Variants in MYO3A observed in about 807,000 individuals in gnomAD.
MYO3A encodes the protein myosin-IIIa.
A neutral mutation model predicts 192.7 loss-of-function variants in MYO3A; 180 were observed. That is an observed-to-expected ratio of 0.93 (90% CI 0.83 to 1.06). The LOEUF is 1.06. MYO3A is among the 50% of genes least tolerant of loss of function. The pLI is 0.00. For synonymous variants in MYO3A, 628 were observed against 645.3 expected (o/e 0.97, Z 0.41); for missense variants, 1,896 against 1,905.0 (o/e 1.00, Z 0.09).
At chr10:26,148,165 T>C (rs1472594626) in intron 23 of MYO3A, among the ~76,000 whole-genome samples, 1 of 152,222 alleles carries the variant, frequency 6.6e-6, no homozygotes, top group African/African-American at 2.4e-5. Context: ...CCATGATTAA[T>C]AGTGAACATA....
intron 31 of MYO3A, among the ~76,000 whole-genome samples, chr10:26,192,194 T>C (rs746657045): frequency 6.6e-6 from 1 of 152,166 alleles, no homozygotes; most frequent in African/African-American, 2.4e-5. Flanking sequence ...GCTCTGACGG[T>C]GTTGCTCCCG....
At chr10:26,088,040 T>C (rs1836450178) in intron 14 of MYO3A, among the ~76,000 whole-genome samples, 163 bp from the exon 15 acceptor site, 1 of 152,164 alleles carries the variant, frequency 6.6e-6, no homozygotes, top group South Asian at 2.1e-4. Context: ...AATCCACATA[T>C]GGGAGGGGGA....
At chr10:25,999,801 C>G (rs770339219) in intron 6 of MYO3A, among the ~76,000 whole-genome samples, 4 of 152,160 alleles carry the variant, frequency 2.6e-5, no homozygotes, top group Non-Finnish European at 5.9e-5. Context: ...TAGAAAGTCG[C>G]CCACATCTAC....
chr10:26,092,180 A>G, intron 15 of MYO3A, among the ~76,000 whole-genome samples: 1 of 152,124 alleles, frequency 6.6e-6, no homozygotes, highest in Non-Finnish European at 1.5e-5. Context: ...AAGAATGCAA[A>G]GCTTCGGCCG....
intron 10 of MYO3A, among the ~76,000 whole-genome samples, chr10:26,029,728 A>T (rs1842723753): frequency 6.6e-6 from 1 of 152,064 alleles, no homozygotes; most frequent in South Asian, 2.1e-4. Flanking sequence ...GATCTTAAAC[A>T]TACTTTTTAA....
At chr10:26,145,304 T>C in intron 21 of MYO3A, 142 bp from the exon 22 acceptor site, 1 of 659,392 alleles carries the variant, frequency 1.5e-6, no homozygotes, top group South Asian at 1.8e-5. Flanking sequence ...CCATGTATAA[T>C]TCTATTCCAA....
Position 26,174,039 on chromosome 10 carries a change from G to C in MYO3A, c.3775G>C (p.Glu1259Gln), listed in dbSNP as rs1198489271. The C allele has an allele frequency of 6.2e-7, 1 of 1,613,490 alleles. No individual in the cohort carries two copies. The highest frequency in any genetic ancestry group is 1.1e-5 in the South Asian group (1 of 90,930). The change falls in exon 30 of 35, where the codon GAA becomes CAA. Residue 1259 changes from glutamate (E) to glutamine (Q), a missense_variant. Glu to Gln is a conservative substitution (Grantham distance 29). Transcript: ENST00000642920. ...TGAAGAGTCAAAAGCAGCATATCTA[G>C]AAAGGAAGGCCATATCAGAAAGGCC... is the stretch of plus-strand genomic sequence containing the variant. Reference protein sequence around the residue: ...NCEESKAAYLERKAISERPSY... With the variant: ...NCEESKAAYLQRKAISERPSY...
intron 34 of MYO3A, among the ~76,000 whole-genome samples, chr10:26,210,712 T>A (rs1310096597): frequency 6.6e-6 from 1 of 152,098 alleles, no homozygotes; most frequent in Non-Finnish European, 1.5e-5. Context: ...ATCCGAACAC[T>A]CTATCCTCAT....
chr10:26,183,530 AT>A (rs907759573), intron 31 of MYO3A, among the ~76,000 whole-genome samples: 184 of 152,188 alleles, frequency 1.2e-3, no homozygotes, highest in African/African-American at 4.1e-3. Flanking sequence ...CTCAAAAAAA[AT>A]AATAATAAAA....
chr10:26,041,365 T>TTG (rs1564486410), intron 10 of MYO3A, among the ~76,000 whole-genome samples: 2 of 143,728 alleles, frequency 1.4e-5, no homozygotes, highest in Non-Finnish European at 3.1e-5. Context: ...TGTTGTTGTT[T>TTG]TTATCCATTC....
intron 4 of MYO3A, among the ~76,000 whole-genome samples, chr10:25,980,417 A>G (rs530332618): frequency 9.2e-5 from 14 of 152,336 alleles, no homozygotes; most frequent in Admixed American, 7.8e-4. Context: ...AGTGTTTTGC[A>G]TATAGTAACA....
chr10:26,049,673 C>CTTTTTTTTTTTTTTTTTTTTTTTT (rs66467075), intron 10 of MYO3A, among the ~76,000 whole-genome samples: 1 of 69,114 alleles, frequency 1.4e-5, no homozygotes, highest in African/African-American at 5.2e-5. Context: ...TTCTTTCTTT[C>CTTTTTTTTTTTTTTTTTTTTTTTT]TTTTTTTTTT....
At chr10:26,132,941 A>G (rs928239396) in intron 20 of MYO3A, among the ~76,000 whole-genome samples, 4 of 152,226 alleles carry the variant, frequency 2.6e-5, no homozygotes, top group African/African-American at 9.6e-5. Context: ...GCTCCAACAC[A>G]TAATTTGTGG....
chr10:26,080,737 C>T (rs1056733740), intron 14 of MYO3A, among the ~76,000 whole-genome samples: 1 of 152,130 alleles, frequency 6.6e-6, no homozygotes, highest in African/African-American at 2.4e-5. Flanking sequence ...TTTTGTCCCA[C>T]AGGGTGTTCC....
intron 18 of MYO3A, among the ~76,000 whole-genome samples, chr10:26,124,381 T>C (rs1420900561): frequency 6.6e-6 from 1 of 152,128 alleles, no homozygotes; most frequent in East Asian, 1.9e-4. Flanking sequence ...AATTAAAGCA[T>C]ATTTACAGAC....
intron 10 of MYO3A, among the ~76,000 whole-genome samples, chr10:26,027,723 G>A (rs548736790): frequency 1.3e-5 from 2 of 152,278 alleles, no homozygotes; most frequent in East Asian, 1.9e-4. Context: ...TCACTGAATA[G>A]TGAATATCCA....
chr10:26,103,517 G>A (rs914991341), intron 17 of MYO3A, among the ~76,000 whole-genome samples: 4 of 152,172 alleles, frequency 2.6e-5, no homozygotes, highest in Non-Finnish European at 5.9e-5. Flanking sequence ...CTTGGAGTCA[G>A]TAGTTCATTT....
intron 10 of MYO3A, among the ~76,000 whole-genome samples, chr10:26,027,927 A>G (rs1050489696): frequency 3.3e-5 from 5 of 152,226 alleles, no homozygotes; most frequent in Non-Finnish European, 5.9e-5. Context: ...TTCTATAGAT[A>G]GTACTATTAA....
intron 26 of MYO3A, among the ~76,000 whole-genome samples, chr10:26,165,073 C>A (rs955294137): frequency 6.6e-6 from 1 of 152,178 alleles, no homozygotes; most frequent in African/African-American, 2.4e-5. Context: ...TACTTCATTG[C>A]AGATTTAATG....
Sources: gnomAD v4.1 joint callset for allele counts (sites outside exome capture counted in the v4.1 genomes callset) on GRCh38, gnomAD v4.1.1 for gene constraint, MANE v1.5 for transcripts, NCBI Gene and HGNC (gene_info 2026-07-23, HGNC 2026-07-21) for gene names.